CROCC: variants seen among roughly 807,000 people sequenced by gnomAD.
The protein encoded by CROCC is rootletin.
A neutral mutation model predicts 245.2 loss-of-function variants in CROCC; 180 were observed. That is an observed-to-expected ratio of 0.73 (90% confidence interval 0.65 to 0.83). CROCC has a LOEUF of 0.83. Ranked by LOEUF, CROCC falls within the 40% of genes least tolerant of loss-of-function variation. The probability of loss-of-function intolerance (pLI) is 0.00; values close to 1 mark genes in which losing one functional copy is unlikely to be tolerated. For synonymous variants in CROCC, 1,205 were observed against 1,241.6 expected, an observed-to-expected ratio of 0.97 and a Z score of 0.62; for missense variants, 2,688 against 2,779.4, an observed-to-expected ratio of 0.97 and a Z score of 0.74.
In CROCC at chr1:16,960,777, A is replaced by C; in HGVS notation, c.4052A>C (p.Lys1351Thr). 6.5e-7 allele frequency: 1 copy of C among 1,538,058 alleles called. No homozygotes were observed. The highest frequency in any genetic ancestry group is 8.7e-7 in the Non-Finnish European group (1 of 1,149,478). The change falls in exon 27 of 37, where the codon AAG becomes ACG. Residue 1351 changes from lysine to threonine, a missense_variant. Lys to Thr is a moderately conservative substitution (Grantham distance 78, BLOSUM62 -1). Around this residue, in one of 9 missense-constraint regions of CROCC, gnomAD observed 1,218 missense variants for 1,286.3 expected, o/e 0.95. Coordinates refer to ENST00000375541, the MANE Select transcript of CROCC (RefSeq NM_014675.5). Reference protein sequence around the residue: ...MRQELQVAQRKLQEQEGEFRT... With the variant: ...MRQELQVAQRTLQEQEGEFRT... ...CTCCAGCTCCAGGTAGCCCAGCGGA[A>C]GCTGCAGGAACAAGAAGGCGAGTTC...
intron 8 of CROCC, among the ~76,000 whole-genome samples, chr1:16,933,335 C>A (rs1367218992): frequency 2.0e-5 from 3 of 152,232 alleles, no homozygotes. Context: ...GGTGTGGTGA[C>A]ACATGCCTGT....
At chr1:16,968,892 G>GA in intron 31 of CROCC, 1 of 630,886 alleles carries the variant, frequency 1.6e-6, no homozygotes, top group East Asian at 2.7e-5. Context: ...CAACTAGGTT[G>GA]ATGGCACTCT....
intron 3 of CROCC, among the ~76,000 whole-genome samples, chr1:16,926,483 C>T (rs1350006468): frequency 6.6e-6 from 1 of 152,388 alleles, no homozygotes; most frequent in African/African-American, 2.4e-5. Flanking sequence ...GCATGTTGGG[C>T]TGGGTTGGTG....
chr1:16,938,906 CAGGCCGTCTTGTCAGACTCTGA>C lies in CROCC; in HGVS notation c.1375-2_1394del. 6.2e-7 allele frequency: 1 copy of C among 1,604,628 alleles called. No homozygotes were observed. The highest frequency in any genetic ancestry group is 8.5e-7 in the Non-Finnish European group (1 of 1,177,398). On this transcript the variant is annotated splice_acceptor_variant and coding_sequence_variant, in exon 12 of 37. Transcript: ENST00000375541. LOFTEE classifies it high-confidence loss of function. ...TCCTTCTGCCTCCCTCCCCCACCCT[CAGGCCGTCTTGTCAGACTCTGA>C]GAGCGGCGTCCAGCTGAGCGGCTCT...
intron 27 of CROCC, 68 bp from the exon 28 acceptor site, chr1:16,965,655 A>G: frequency 8.9e-7 from 1 of 1,125,472 alleles, no homozygotes; most frequent in Non-Finnish European, 1.3e-6. Context: ...GGCAGGGATG[A>G]CAGTGAGTGA....
chr1:16,937,502 T>C (rs2075817923), intron 9 of CROCC, 139 bp from the exon 10 acceptor site: 3 of 696,310 alleles, frequency 4.3e-6, no homozygotes, highest in Non-Finnish European at 7.7e-6. Context: ...GAGCCGGGAC[T>C]TGTCTGAGGT....
At chr1:16,926,861 C>T (rs1277739852) in intron 3 of CROCC, among the ~76,000 whole-genome samples, 1 of 152,280 alleles carries the variant, frequency 6.6e-6, no homozygotes, top group African/African-American at 2.4e-5. Context: ...TCTTTCATCT[C>T]TGGCTTAGTG....
intron 19 of CROCC, among the ~76,000 whole-genome samples, chr1:16,949,580 A>T (rs2076123877): frequency 6.6e-6 from 1 of 152,168 alleles, no homozygotes; most frequent in East Asian, 1.9e-4. Flanking sequence ...TCATTAAAGG[A>T]GATGCTTTAT....
intron 8 of CROCC, among the ~76,000 whole-genome samples, chr1:16,935,062 G>A (rs1178950077): frequency 3.3e-5 from 5 of 152,120 alleles, no homozygotes; most frequent in African/African-American, 9.7e-5. Context: ...ACCACACCCC[G>A]CTAAGTTTTG....
At chr1:16,920,806 C>T (rs538214680), upstream of CROCC, among the ~76,000 whole-genome samples, 67 of 150,338 alleles carry the variant, frequency 4.5e-4, no homozygotes, top group Admixed American at 8.7e-4. Context: ...TGCAATGGCG[C>T]GATCTTGGCT....
At position 16,953,498 on chromosome 1, in the gene CROCC, A is replaced by C; in HGVS notation, c.3186+17A>C. 6.3e-7 allele frequency: 1 copy of C among 1,589,460 alleles called. No homozygotes were observed. Among genetic ancestry groups the C allele is most frequent in the Non-Finnish European group, 8.5e-7 (1 of 1,174,086 alleles). On this transcript the variant is annotated intron_variant, in intron 21 of 36. Coordinates refer to ENST00000375541, the MANE Select transcript of CROCC (RefSeq NM_014675.5). ...AAGCAGCAGGTTCGTGAGCCCTGGC[A>C]TGGCCTCTGCTGCTCTCTGAGCTGC...
At chr1:16,963,804 G>GT (rs1287714598) in intron 27 of CROCC, among the ~76,000 whole-genome samples, 95 of 135,644 alleles carry the variant, frequency 7.0e-4, no homozygotes, top group Middle Eastern at 3.6e-3. Context: ...CTTTGTTTTT[G>GT]TTTTTTTTTG....
At position 16,944,102 on chromosome 1, in the gene CROCC, A is replaced by G; in HGVS notation, c.1811A>G (p.Glu604Gly). The G allele has an allele frequency of 6.4e-7, 1 of 1,550,702 alleles. No individual in the cohort carries two copies. The highest frequency in any genetic ancestry group is 8.7e-7 in the Non-Finnish European group (1 of 1,146,170). ...CTCCCCCTCCCCTTGTCCTGAAGGG[A>G]GAAGAGCAACCTGGCCCACAGCCTG... The part of the protein sequence containing the change: ...LRSANELLSR[E>G]KSNLAHSLQV... The change falls in exon 14 of 37, where the codon GAG becomes GGG. Residue 604 changes from glutamate to glycine, a missense_variant and splice_region_variant. Coordinates refer to ENST00000375541, the MANE Select transcript of CROCC (RefSeq NM_014675.5).
chr1:16,939,122 A>T lies in CROCC; in HGVS notation c.1588A>T (p.Lys530Ter). 1 of 1,533,816 alleles carries T rather than the reference A, an allele frequency of 6.5e-7. No individual in the cohort carries two copies. The highest frequency in any genetic ancestry group is 8.7e-7 in the Non-Finnish European group (1 of 1,151,622). Residue 530 changes from lysine to a stop codon, truncating the protein, a stop_gained, in exon 12 of 37, where the codon AAG becomes TAG. Transcript: ENST00000375541. LOFTEE classifies it high-confidence loss of function. Reference sequence around the variant, plus strand: ...CGCCCTGATCCACTCCGCCCTGCACAAGCGCCAGCTGCAGGTCCAGGTAGG... The same window carrying T: ...CGCCCTGATCCACTCCGCCCTGCACTAGCGCCAGCTGCAGGTCCAGGTAGG... ...TLALIHSALH[K>*]RQLQVQDMRG...
intron 9 of CROCC, 34 bp from the exon 10 acceptor site, chr1:16,937,607 C>T (rs758648941): frequency 8.3e-6 from 13 of 1,557,890 alleles, no homozygotes; most frequent in Admixed American, 5.1e-5. Context: ...CTGGGGTGGT[C>T]CCGTATTCAC....
rs1214787409 is a variant in CROCC, at chr1:16,968,263, A to G, written c.4921A>G (p.Lys1641Glu). 6.4e-7 allele frequency: 1 copy of G among 1,565,668 alleles called. No individual in the cohort carries two copies. Among genetic ancestry groups the G allele is most frequent in the African/African-American group, 1.4e-5 (1 of 73,874 alleles). ...GCTGGAGGGCGACAAGCGGCGCCTGAAGGAGGTTCTGGACGCCTCCGAGAG... is the reference window on the plus strand; with the variant it reads ...GCTGGAGGGCGACAAGCGGCGCCTGGAGGAGGTTCTGGACGCCTCCGAGAG... ...TKLEGDKRRL[K>E]EVLDASESRT... is the part of the protein sequence containing the mutation. Residue 1641 changes from lysine (K) to glutamate (E), a missense_variant, in exon 31 of 37, where the codon AAG becomes GAG. Physicochemically the swap from Lys to Glu is moderately conservative, Grantham distance 56 (BLOSUM62 1). Coordinates refer to ENST00000375541, the MANE Select transcript of CROCC (RefSeq NM_014675.5).
chr1:16,924,667 G>A (rs1422160252), intron 3 of CROCC, among the ~76,000 whole-genome samples, 188 bp downstream of exon 3: 1 of 152,286 alleles, frequency 6.6e-6, no homozygotes, highest in African/African-American at 2.4e-5. Flanking sequence ...CCTGTTTTCT[G>A]TAGTGGGGAT....
rs535082311 is a variant in CROCC, at chr1:16,936,736, G to A, written c.1056G>A (p.Arg352=). Residue 352 remains arginine, a synonymous_variant, in exon 9 of 37, where the codon CGG becomes CGA. Transcript: ENST00000375541. ...CGGGCCTACGGCTGGCAGAGAGCCG[G>A]GCCGAGGCAGCCCTGGAGAAACAGG... ...LSTGLRLAES[R]AEAALEKQAL... is the part of the protein sequence containing the mutation. 1.1e-5 allele frequency: 18 copies of A among 1,609,432 alleles called. No homozygotes were observed. The highest frequency in any genetic ancestry group is 1.7e-5 in the Admixed American group (1 of 59,530).
chr1:16,944,642 A>C, intron 14 of CROCC, among the ~76,000 whole-genome samples: 1 of 146,566 alleles, frequency 6.8e-6, no homozygotes, highest in East Asian at 2.0e-4. Context: ...CAGTTCTCTC[A>C]TTTAACTCCA....
Sources: allele counts gnomAD v4.1 joint callset (sites outside exome capture counted in the v4.1 genomes callset), GRCh38; gene constraint gnomAD v4.1.1; regional missense constraint gnomAD v4.1.1; transcripts MANE v1.5; gene names NCBI Gene and HGNC (gene_info 2026-07-23, HGNC 2026-07-21).